Variants in PLPP1 observed in about 807,000 individuals in gnomAD.
The protein encoded by PLPP1 is lipid phosphate phosphohydrolase 1a.
A neutral mutation model predicts 31.2 loss-of-function variants in PLPP1; 24 were observed. That is an observed-to-expected ratio of 0.77 (90% CI 0.56 to 1.08). The LOEUF (loss-of-function observed/expected upper bound fraction) is 1.08. PLPP1 is among the 50% of genes least tolerant of loss of function. PLPP1 has a pLI of 0.00. For missense variants in PLPP1, 319 were observed against 342.7 expected, an observed-to-expected ratio of 0.93 and a Z score of 0.55; for synonymous variants, 146 against 126.3, an observed-to-expected ratio of 1.16 and a Z score of -1.05.
At chr5:55,501,441 TC>T (rs2111882085) in intron 1 of PLPP1, among the ~76,000 whole-genome samples, 1 of 151,820 alleles carries the variant, frequency 6.6e-6, no homozygotes, top group African/African-American at 2.4e-5. Flanking sequence ...TTGGCGATTT[TC>T]CCTCTCTTGC....
chr5:55,492,006 G>A (rs966760111), intron 1 of PLPP1, among the ~76,000 whole-genome samples: 26 of 151,056 alleles, frequency 1.7e-4, no homozygotes, highest in African/African-American at 6.3e-4. Context: ...ATTAGCCCTG[G>A]CAAGGCTCCA....
chr5:55,489,252 T>C (rs979915861), intron 1 of PLPP1, among the ~76,000 whole-genome samples: 8 of 152,126 alleles, frequency 5.3e-5, no homozygotes, highest in African/African-American at 1.9e-4. Flanking sequence ...CAAGCAATTA[T>C]CTCCTCAAAT....
intron 3 of PLPP1, 48 bp downstream of exon 3, chr5:55,467,821 T>A (rs373017661): frequency 4.6e-6 from 7 of 1,532,956 alleles, no homozygotes; most frequent in Non-Finnish European, 6.2e-6. Context: ...AAACCTTCTA[T>A]TCCAAGAATA....
At chr5:55,477,246 C>A (rs1384140784) in intron 1 of PLPP1, among the ~76,000 whole-genome samples, 2 of 152,186 alleles carry the variant, frequency 1.3e-5, no homozygotes, top group African/African-American at 2.4e-5. Context: ...TCAGCACACA[C>A]TGTGGAGGTA....
intron 1 of PLPP1, chr5:55,491,103 T>C (rs1280515750): frequency 6.2e-7 from 1 of 1,613,262 alleles, no homozygotes; most frequent in Non-Finnish European, 8.5e-7. Flanking sequence ...AGAACAGCCA[T>C]AGGCATGGAA....
intron 3 of PLPP1, among the ~76,000 whole-genome samples, chr5:55,464,619 T>C (rs1247328612): frequency 2.0e-5 from 3 of 152,194 alleles, no homozygotes; most frequent in African/African-American, 4.8e-5. Context: ...AAGTAAACTG[T>C]GTTATATCCA....
chr5:55,507,572 C>T (rs903432996), intron 1 of PLPP1, among the ~76,000 whole-genome samples: 3 of 152,174 alleles, frequency 2.0e-5, no homozygotes, highest in Non-Finnish European at 2.9e-5. Context: ...CCTTATGCCA[C>T]GACAGCATGC....
chr5:55,458,336 T>TA (rs2111758355), intron 3 of PLPP1, among the ~76,000 whole-genome samples: 1 of 152,068 alleles, frequency 6.6e-6, no homozygotes, highest in Non-Finnish European at 1.5e-5. Flanking sequence ...TCACTGAAAA[T>TA]AAACACCTTT....
intron 1 of PLPP1, among the ~76,000 whole-genome samples, chr5:55,528,822 A>G (rs1310782130): frequency 6.6e-6 from 1 of 152,200 alleles, no homozygotes; most frequent in African/African-American, 2.4e-5. Context: ...GAAAGCATAA[A>G]CAATGTATAT....
chr5:55,496,859 A>G (rs368687414), intron 1 of PLPP1, among the ~76,000 whole-genome samples: 1 of 152,232 alleles, frequency 6.6e-6, no homozygotes. Context: ...TATGTCATAC[A>G]TACTTCCTCA....
intron 1 of PLPP1, chr5:55,491,185 G>C: frequency 1.3e-6 from 2 of 1,498,610 alleles, no homozygotes; most frequent in African/African-American, 1.4e-5. Context: ...AAAGTCTACT[G>C]AATGGGATGC....
chr5:55,503,541 C>G (rs1038158815), intron 1 of PLPP1, among the ~76,000 whole-genome samples: 1 of 150,246 alleles, frequency 6.7e-6, no homozygotes, highest in Non-Finnish European at 1.5e-5. Context: ...TTTGGGAGGC[C>G]GAGGCAGGCA....
At chr5:55,482,796 A>C (rs1192778037) in intron 1 of PLPP1, among the ~76,000 whole-genome samples, 1 of 152,190 alleles carries the variant, frequency 6.6e-6, no homozygotes, top group Non-Finnish European at 1.5e-5. Flanking sequence ...TATAAAAATA[A>C]ACTTATTAAC....
chr5:55,529,909 TTC>T (rs1251242423), intron 1 of PLPP1, among the ~76,000 whole-genome samples: 5 of 152,206 alleles, frequency 3.3e-5, no homozygotes, highest in African/African-American at 9.6e-5. Flanking sequence ...ACAACAGGGA[TTC>T]TCTTTCACCA....
chr5:55,456,316 G>A (rs763867723), intron 3 of PLPP1, among the ~76,000 whole-genome samples: 2 of 152,080 alleles, frequency 1.3e-5, no homozygotes, highest in African/African-American at 2.4e-5. Context: ...AGAGAATGGC[G>A]GGGAGAAAAG....
intron 3 of PLPP1, among the ~76,000 whole-genome samples, chr5:55,444,096 T>C (rs1394370070): frequency 6.6e-6 from 1 of 151,992 alleles, no homozygotes; most frequent in East Asian, 1.9e-4. Context: ...TTTTTTTTTT[T>C]TTTGAGACAG....
intron 3 of PLPP1, among the ~76,000 whole-genome samples, chr5:55,464,853 T>C (rs1752251802): frequency 6.6e-6 from 1 of 152,130 alleles, no homozygotes; most frequent in Non-Finnish European, 1.5e-5. Flanking sequence ...TTTTCAAATA[T>C]CTGAAAACTT....
At chr5:55,442,062 T>C (rs938443303) in intron 3 of PLPP1, among the ~76,000 whole-genome samples, 154 bp from the exon 4 acceptor site, 2 of 152,192 alleles carry the variant, frequency 1.3e-5, no homozygotes, top group Admixed American at 6.5e-5. Flanking sequence ...AATTAGGACA[T>C]GAACATTAAA....
intron 1 of PLPP1, among the ~76,000 whole-genome samples, chr5:55,523,552 TC>T (rs1753719054): frequency 6.6e-6 from 1 of 152,110 alleles, no homozygotes; most frequent in South Asian, 2.1e-4. Context: ...ATGACCAAGC[TC>T]CTAAGAGAGT....
Sources: allele counts gnomAD v4.1 joint callset (sites outside exome capture counted in the v4.1 genomes callset), GRCh38; gene constraint gnomAD v4.1.1; transcripts MANE v1.5; gene names NCBI Gene and HGNC (gene_info 2026-07-23, HGNC 2026-07-21).